NRG1: variants seen among roughly 807,000 people sequenced by gnomAD.
NRG1 encodes the protein neuregulin 1.
Under a neutral mutation model 63.8 loss-of-function variants are expected in NRG1, and 18 were observed. The ratio of observed to expected loss-of-function variants is 0.28; its 90% CI spans 0.19 to 0.42. The LOEUF is 0.42. Ranked by LOEUF, NRG1 falls within the 10% of genes least tolerant of loss-of-function variation. The pLI, the probability that NRG1 is intolerant of heterozygous loss-of-function variation, is 1.00. For synonymous variants in NRG1, 302 were observed against 301.3 expected, an observed-to-expected ratio of 1.00 and a Z score of -0.02; for missense variants, 762 against 814.7, an observed-to-expected ratio of 0.94 and a Z score of 0.79.
chr8:32,600,222 T>C (rs947927428), intron 2 of NRG1, among the ~76,000 whole-genome samples: 1 of 151,900 alleles, frequency 6.6e-6, no homozygotes, highest in Non-Finnish European at 1.5e-5. Context: ...CTGGGAAACA[T>C]AGCAAGACCC....
chr8:32,440,091 C>A (rs755600036), intron 1 of NRG1, among the ~76,000 whole-genome samples: 9 of 152,212 alleles, frequency 5.9e-5, no homozygotes, highest in Non-Finnish European at 8.8e-5. Flanking sequence ...ATGCAAAACA[C>A]CTCTTACAAG....
intron 1 of NRG1, among the ~76,000 whole-genome samples, chr8:32,212,769 T>C (rs546791955): frequency 6.6e-6 from 1 of 152,168 alleles, no homozygotes; most frequent in Non-Finnish European, 1.5e-5. Context: ...ATAAACCTTA[T>C]TGGTTCTTGT....
intron 1 of NRG1, among the ~76,000 whole-genome samples, chr8:31,912,176 T>C (rs907049785): frequency 4.6e-5 from 7 of 152,218 alleles, no homozygotes; most frequent in African/African-American, 1.7e-4. Context: ...AATGCAATCA[T>C]GTATAGAAAA....
intron 1 of NRG1, among the ~76,000 whole-genome samples, chr8:31,974,067 G>A (rs193061199): frequency 1.5e-4 from 23 of 152,168 alleles, no homozygotes; most frequent in East Asian, 1.2e-3. Context: ...AACCTTGAGC[G>A]CTAGGAAGAT....
chr8:31,965,696 C>A (rs1317520744), intron 1 of NRG1, among the ~76,000 whole-genome samples: 2 of 152,160 alleles, frequency 1.3e-5, no homozygotes, highest in Non-Finnish European at 2.9e-5. Flanking sequence ...CTTTTCTCCA[C>A]ATCAACATCT....
At chr8:32,415,266 G>C (rs1815703310) in intron 1 of NRG1, among the ~76,000 whole-genome samples, 1 of 151,666 alleles carries the variant, frequency 6.6e-6, no homozygotes, top group African/African-American at 2.4e-5. Flanking sequence ...AAATTAGCCA[G>C]GTGTGGTGGC....
intron 1 of NRG1, among the ~76,000 whole-genome samples, chr8:31,754,545 C>T (rs923968228): frequency 2.0e-5 from 3 of 152,014 alleles, no homozygotes; most frequent in African/African-American, 7.2e-5. Flanking sequence ...CAATTAAATC[C>T]CCTTCCTTCA....
chr8:31,869,982 G>A (rs1370593496), intron 1 of NRG1, among the ~76,000 whole-genome samples: 10 of 152,144 alleles, frequency 6.6e-5, no homozygotes, highest in Admixed American at 5.9e-4. Context: ...AAAACAATGA[G>A]ATTCAGTATG....
At chr8:31,917,130 G>A (rs1184998747) in intron 1 of NRG1, among the ~76,000 whole-genome samples, 3 of 101,786 alleles carry the variant, frequency 2.9e-5, no homozygotes, top group African/African-American at 7.2e-5. Context: ...AATAGGTTGC[G>A]AAAATTTTCT....
At chr8:31,807,087 C>T (rs981441822) in intron 1 of NRG1, among the ~76,000 whole-genome samples, 8 of 152,128 alleles carry the variant, frequency 5.3e-5, no homozygotes, top group East Asian at 1.9e-4. Context: ...TGTTAAATGC[C>T]GGCCACATTC....
chr8:32,252,065 G>T (rs1464266844), intron 1 of NRG1, among the ~76,000 whole-genome samples: 1 of 152,030 alleles, frequency 6.6e-6, no homozygotes. Flanking sequence ...TTGTAAATTT[G>T]TTTAGGTTCC....
At chr8:32,010,148 T>C (rs1262136200) in intron 1 of NRG1, among the ~76,000 whole-genome samples, 2 of 152,060 alleles carry the variant, frequency 1.3e-5, no homozygotes, top group East Asian at 3.9e-4. Flanking sequence ...TTATTCTTAA[T>C]TACTTCATAC....
At chr8:32,748,710 C>T (rs749218057) in intron 7 of NRG1, 3 of 456,110 alleles carry the variant, frequency 6.6e-6, no homozygotes, top group African/African-American at 2.0e-5. Context: ...TTCACTGGCT[C>T]TCTGTGATTT....
At chr8:31,939,573 A>G (rs1442661054) in intron 1 of NRG1, among the ~76,000 whole-genome samples, 3 of 152,150 alleles carry the variant, frequency 2.0e-5, no homozygotes, top group African/African-American at 4.8e-5. Context: ...ACATCTCAAT[A>G]CTAACATTGA....
At chr8:31,705,698 T>C (rs1444309047) in intron 1 of NRG1, among the ~76,000 whole-genome samples, 1 of 152,226 alleles carries the variant, frequency 6.6e-6, no homozygotes, top group Non-Finnish European at 1.5e-5. Context: ...AATTAGTCTC[T>C]GCTAAAGAGT....
intron 1 of NRG1, among the ~76,000 whole-genome samples, chr8:31,881,285 A>C (rs1446189256): frequency 6.6e-6 from 1 of 152,118 alleles, no homozygotes; most frequent in Non-Finnish European, 1.5e-5. Context: ...AGTTATTATT[A>C]ATCTGTTATG....
chr8:32,616,662 A>G (rs1015250370), intron 4 of NRG1, among the ~76,000 whole-genome samples, 173 bp from the exon 5 acceptor site: 2 of 152,070 alleles, frequency 1.3e-5, no homozygotes, highest in African/African-American at 4.8e-5. Flanking sequence ...CTATGGTAAT[A>G]TTCCTTTGTG....
rs549123231 is a variant in NRG1 at position 32,726,972 on chromosome 8, G to A, written c.503-977G>A. On this transcript the variant is annotated intron_variant, in intron 5 of 11. Coordinates refer to ENST00000356819, the Ensembl canonical transcript of NRG1. ...GAATCTGTACTGGCTTGATATACTGGTTTTGCTTTTCATCCTGAAAATATC... is the reference window on the plus strand; with the variant it reads ...GAATCTGTACTGGCTTGATATACTGATTTTGCTTTTCATCCTGAAAATATC... Among the ~76,000 whole-genome samples the A allele has an allele frequency of 2.6e-5, 4 of 151,644 alleles. No homozygotes were observed. In the South Asian group the frequency reaches 8.3e-4, roughly 32 times the overall value.
chr8:32,344,866 A>G (rs1480261548), intron 1 of NRG1, among the ~76,000 whole-genome samples: 1 of 152,158 alleles, frequency 6.6e-6, no homozygotes, highest in African/African-American at 2.4e-5. Context: ...ACAATCTATT[A>G]TGTATTCTGC....
Sources: allele counts gnomAD v4.1 joint callset (sites outside exome capture counted in the v4.1 genomes callset), GRCh38; gene constraint gnomAD v4.1.1; transcripts MANE v1.5; gene names NCBI Gene and HGNC (gene_info 2026-07-23, HGNC 2026-07-21).